MYT1L: variants seen among roughly 807,000 people sequenced by gnomAD.
MYT1L encodes the protein myelin transcription factor 1-like protein.
A neutral mutation model predicts 126.7 loss-of-function variants in MYT1L; 12 were observed. The ratio of observed to expected loss-of-function variants is 0.09; its 90% CI spans 0.06 to 0.15. The LOEUF (loss-of-function observed/expected upper bound fraction) is 0.15. Among genes scored for constraint, MYT1L ranks in the 10% least tolerant of loss-of-function variants. The pLI, the probability that MYT1L is intolerant of heterozygous loss-of-function variation, is 1.00. For missense variants in MYT1L, 979 were observed against 1,585.2 expected (o/e 0.62, Z 6.49); for synonymous variants, 541 against 604.2 (o/e 0.90, Z 1.53).
chr2:1,948,279 C>T (rs1051755233), intron 8 of MYT1L, among the ~76,000 whole-genome samples: 1 of 152,192 alleles, frequency 6.6e-6, no homozygotes, highest in Admixed American at 6.5e-5. Context: ...TGGTTCATTG[C>T]TCACGATTTG....
At chr2:2,245,731 C>T (rs963030241) in intron 2 of MYT1L, among the ~76,000 whole-genome samples, 7 of 152,072 alleles carry the variant, frequency 4.6e-5, no homozygotes, top group Admixed American at 3.3e-4. Flanking sequence ...GTCAGCCCAG[C>T]GCATGCTTTC....
rs545228074 is a variant in MYT1L, at chr2:1,873,565, A to G, written c.2711+12974T>C. ...CCCTCCTGAAATGCCAGCATTAATA[A>G]GAATGACTGAGATTTTTGCTTCAAT... On this transcript the variant is annotated intron_variant, in intron 18 of 24. Transcript: ENST00000647738. 2.6e-5 allele frequency among the ~76,000 whole-genome samples: 4 copies of G among 152,314 alleles called. No individual in the cohort carries two copies. In the East Asian group the frequency reaches 7.7e-4, roughly 29 times the overall value.
At chr2:2,067,126 A>T (rs1156454914) in intron 3 of MYT1L, among the ~76,000 whole-genome samples, 1 of 152,212 alleles carries the variant, frequency 6.6e-6, no homozygotes, top group East Asian at 1.9e-4. Context: ...AATATCTCCA[A>T]CATTTGTAAA....
intron 8 of MYT1L, among the ~76,000 whole-genome samples, chr2:1,960,021 G>T (rs930122624): frequency 6.6e-6 from 1 of 152,116 alleles, no homozygotes; most frequent in Admixed American, 6.5e-5. Context: ...ACATTTTCCA[G>T]GAAGCATTTA....
chr2:2,222,711 AT>A (rs1436761911), intron 2 of MYT1L, among the ~76,000 whole-genome samples: 6 of 152,188 alleles, frequency 3.9e-5, no homozygotes, highest in Admixed American at 3.9e-4. Context: ...AAACTTTAAA[AT>A]ATTCTCTTGC....
At chr2:2,159,470 T>G (rs957305157) in intron 3 of MYT1L, among the ~76,000 whole-genome samples, 3 of 152,000 alleles carry the variant, frequency 2.0e-5, no homozygotes, top group Non-Finnish European at 2.9e-5. Flanking sequence ...ACACCAGGTG[T>G]GGTGTGGGAT....
At chr2:1,818,648 G>T (rs1375128217) in intron 21 of MYT1L, among the ~76,000 whole-genome samples, 2 of 152,116 alleles carry the variant, frequency 1.3e-5, no homozygotes, top group East Asian at 3.9e-4. Flanking sequence ...CACGAGAGCA[G>T]CTCTCCTGTG....
At chr2:2,033,057 A>G (rs1255317944) in intron 4 of MYT1L, among the ~76,000 whole-genome samples, 2 of 108,780 alleles carry the variant, frequency 1.8e-5, no homozygotes, top group Non-Finnish European at 3.7e-5. Context: ...CCTTACACAC[A>G]CCCCTCGCCA....
At chr2:2,048,021 T>C (rs1002214194) in intron 4 of MYT1L, among the ~76,000 whole-genome samples, 58 of 152,080 alleles carry the variant, frequency 3.8e-4, no homozygotes, top group African/African-American at 1.3e-3. Flanking sequence ...AACTGTGGAG[T>C]GTGTCAGACC....
Position 1,912,009 on chromosome 2 carries a change from G to A in MYT1L, c.1709+11C>T, listed in dbSNP as rs370197910. 1.7e-4 allele frequency: 270 copies of A among 1,586,708 alleles called. No individual in the cohort carries two copies. The highest frequency in any genetic ancestry group is 2.2e-4 in the Non-Finnish European group (254 of 1,162,202). ...GCTCCCTCCCACACCAGTGACCCAC[G>A]CGTGGCTTACCTTCGGTGGGAGTTC... On this transcript the variant is annotated intron_variant, in intron 12 of 24. Transcript: ENST00000647738. This position sits in a 1 kb window ranked among gnomAD's most constrained non-coding sequence, Gnocchi z 4.3.
chr2:2,036,577 G>A (rs1171432588), intron 4 of MYT1L, among the ~76,000 whole-genome samples: 1 of 152,192 alleles, frequency 6.6e-6, no homozygotes, highest in Non-Finnish European at 1.5e-5. Context: ...GCAGAAACTC[G>A]GCAGCCACGC....
At chr2:2,009,034 G>A (rs879510197) in intron 4 of MYT1L, among the ~76,000 whole-genome samples, 18 of 151,858 alleles carry the variant, frequency 1.2e-4, no homozygotes, top group Non-Finnish European at 2.2e-4. Flanking sequence ...TCTGTTCCAC[G>A]GGTCTATGGT....
intron 3 of MYT1L, among the ~76,000 whole-genome samples, chr2:2,147,811 C>A (rs1358155845): frequency 6.6e-6 from 1 of 152,214 alleles, no homozygotes; most frequent in African/African-American, 2.4e-5. Context: ...CACCTGGGAG[C>A]CCCGCAGCAG....
intron 12 of MYT1L, among the ~76,000 whole-genome samples, chr2:1,911,803 T>C (rs564772433): frequency 6.6e-6 from 1 of 152,286 alleles, no homozygotes; most frequent in Non-Finnish European, 1.5e-5. Context: ...CCTGATACTA[T>C]ACCCTGCTAT....
chr2:1,877,398 T>G (rs2047046619), intron 18 of MYT1L, among the ~76,000 whole-genome samples: 2 of 152,068 alleles, frequency 1.3e-5, no homozygotes, highest in Non-Finnish European at 2.9e-5. Flanking sequence ...ACATATTTTT[T>G]CTTTTTTCCA....
At chr2:2,232,516 G>A (rs2094185759) in intron 2 of MYT1L, among the ~76,000 whole-genome samples, 1 of 152,214 alleles carries the variant, frequency 6.6e-6, no homozygotes, top group South Asian at 2.1e-4. Flanking sequence ...GCATGGGTAT[G>A]ACAATTACTT....
intron 1 of MYT1L, among the ~76,000 whole-genome samples, chr2:2,304,991 A>G (rs1230593227): frequency 6.6e-6 from 1 of 152,272 alleles, no homozygotes; most frequent in Non-Finnish European, 1.5e-5. Flanking sequence ...AAGTTTGCAT[A>G]GAAGTATAAG....
At chr2:1,807,895 C>T (rs1056591583) in intron 22 of MYT1L, among the ~76,000 whole-genome samples, 11 of 152,260 alleles carry the variant, frequency 7.2e-5, no homozygotes, top group Middle Eastern at 3.4e-3. Context: ...CTCCACGTGT[C>T]GTGGGAGGGA....
intron 3 of MYT1L, among the ~76,000 whole-genome samples, chr2:2,127,609 C>A (rs1314012541): frequency 6.6e-6 from 1 of 152,200 alleles, no homozygotes; most frequent in African/African-American, 2.4e-5. Context: ...GCACTAGCAT[C>A]CCTTCGTTTC....
Sources: gnomAD v4.1 joint callset for allele counts (sites outside exome capture counted in the v4.1 genomes callset) on GRCh38, gnomAD v4.1.1 for gene constraint, Gnocchi (gnomAD v3.1) non-coding constraint, MANE v1.5 for transcripts, NCBI Gene and HGNC (gene_info 2026-07-23, HGNC 2026-07-21) for gene names.